DPP6: variants seen among roughly 807,000 people sequenced by gnomAD.
The protein encoded by DPP6 is dipeptidyl peptidase like 6.
Under a neutral mutation model 122.6 loss-of-function variants are expected in DPP6, and 69 were observed. That is an observed-to-expected ratio of 0.56 (90% CI 0.46 to 0.69). The LOEUF (loss-of-function observed/expected upper bound fraction) is 0.69. Ranked by LOEUF, DPP6 falls within the 30% of genes least tolerant of loss-of-function variation. DPP6 has a pLI of 0.00. For synonymous variants in DPP6, 418 were observed against 433.1 expected (o/e 0.97, Z 0.43); for missense variants, 928 against 1,116.9 (o/e 0.83, Z 2.41).
chr7:154,423,289 A>C (rs1212015726), intron 1 of DPP6, among the ~76,000 whole-genome samples: 1 of 151,596 alleles, frequency 6.6e-6, no homozygotes, highest in Non-Finnish European at 1.5e-5. Flanking sequence ...GAGGTGAAAA[A>C]CTCCGAGGGT....
chr7:154,427,993 G>A (rs946463026), intron 1 of DPP6, among the ~76,000 whole-genome samples: 10 of 152,222 alleles, frequency 6.6e-5, no homozygotes, highest in East Asian at 3.9e-4. Context: ...CTAAATTATC[G>A]TCATTTTGAG....
At chr7:154,761,690 C>T (rs1795566906) in intron 8 of DPP6, among the ~76,000 whole-genome samples, 1 of 145,072 alleles carries the variant, frequency 6.9e-6, no homozygotes, top group Admixed American at 7.0e-5. Context: ...AGGGAGGCAC[C>T]ACACTTTTTT....
chr7:154,066,043 GTT>G (rs1272775473), intron 1 of DPP6, among the ~76,000 whole-genome samples: 3 of 119,620 alleles, frequency 2.5e-5, no homozygotes, highest in East Asian at 2.6e-4. Flanking sequence ...GTTCAGATTT[GTT>G]TTTTTTTTTT....
chr7:154,150,271 G>T (rs552013933), intron 1 of DPP6, among the ~76,000 whole-genome samples: 4 of 152,136 alleles, frequency 2.6e-5, no homozygotes, highest in Non-Finnish European at 4.4e-5. Flanking sequence ...ATTTGGCAAG[G>T]CCCCCCACTT....
rs761176614 is a variant in DPP6, at chr7:154,540,636, CT to C, written c.552+11del. ...AGAAGGCAAAAAAATTGTAAGTACT[CT>C]CTTTAATGACCGGGATAATTTCAGT... is the stretch of plus-strand genomic sequence containing the variant. On this transcript the variant is annotated intron_variant, in intron 4 of 25. Coordinates refer to ENST00000377770, the MANE Select transcript of DPP6 (RefSeq NM_130797.4). 2.7e-6 allele frequency: 4 copies of C among 1,463,080 alleles called. No homozygotes were observed. In the African/African-American group the frequency reaches 5.7e-5, roughly 21 times the overall value. The allele number at this position is 1,463,080 out of a possible 1,614,324, so 90.6% of individuals were successfully genotyped here.
At chr7:154,703,075 C>T (rs143204810) in intron 7 of DPP6, among the ~76,000 whole-genome samples, 49 of 152,274 alleles carry the variant, frequency 3.2e-4, no homozygotes, top group African/African-American at 1.1e-3. Flanking sequence ...AATAACAAGG[C>T]CTGGATTATA....
intron 1 of DPP6, among the ~76,000 whole-genome samples, chr7:153,949,407 T>G (rs57594338): frequency 0.34 from 52,125 of 152,018 alleles, 9,507 homozygotes; most frequent in East Asian, 0.59. Flanking sequence ...GCTTTTCTTA[T>G]GACTCAATCA....
chr7:154,267,290 A>G (rs1249581407), intron 1 of DPP6, among the ~76,000 whole-genome samples: 1 of 149,026 alleles, frequency 6.7e-6, no homozygotes, highest in East Asian at 1.9e-4. Flanking sequence ...TTATTATTGT[A>G]AATATACAAT....
At chr7:154,878,398 G>A (rs1281507416) in intron 20 of DPP6, among the ~76,000 whole-genome samples, 14 of 152,254 alleles carry the variant, frequency 9.2e-5, no homozygotes, top group Non-Finnish European at 5.9e-5. Flanking sequence ...AAGAATGGGA[G>A]CGTGTGGACA....
At chr7:154,645,551 A>C (rs1192206056) in intron 6 of DPP6, among the ~76,000 whole-genome samples, 1 of 152,082 alleles carries the variant, frequency 6.6e-6, no homozygotes, top group East Asian at 1.9e-4. Context: ...AGTCAAGGAG[A>C]TCTGGGCGTA....
chr7:154,447,103 C>T (rs1295285530), intron 2 of DPP6, among the ~76,000 whole-genome samples: 3 of 151,962 alleles, frequency 2.0e-5, no homozygotes, highest in Admixed American at 6.6e-5. Flanking sequence ...ATCAGGAGTT[C>T]GAGACCATCC....
At chr7:154,548,213 TAAAATA>T (rs1434807828) in intron 4 of DPP6, among the ~76,000 whole-genome samples, 2 of 149,484 alleles carry the variant, frequency 1.3e-5, no homozygotes, top group African/African-American at 4.9e-5. Flanking sequence ...CATCTCAAAG[TAAAATA>T]AAAATAATAA....
chr7:154,690,932 G>T (rs778402451), intron 7 of DPP6, among the ~76,000 whole-genome samples: 17 of 152,192 alleles, frequency 1.1e-4, no homozygotes, highest in Non-Finnish European at 2.4e-4. Flanking sequence ...TGATGCCACT[G>T]TCTTACCTTA....
At chr7:153,891,160 T>G (rs1021853494) in intron 1 of DPP6, among the ~76,000 whole-genome samples, 1 of 151,380 alleles carries the variant, frequency 6.6e-6, no homozygotes, top group Non-Finnish European at 1.5e-5. Context: ...TAGCTAGGAC[T>G]ACAGGCGCCC....
At chr7:154,794,349 T>A in intron 11 of DPP6, 147 bp downstream of exon 11, 1 of 1,342,102 alleles carries the variant, frequency 7.5e-7, no homozygotes, top group South Asian at 1.7e-5. Context: ...CGGCGCAGAG[T>A]CCCGGCTCCG....
intron 1 of DPP6, among the ~76,000 whole-genome samples, chr7:154,313,355 C>T (rs900087605): frequency 6.6e-6 from 1 of 151,956 alleles, no homozygotes; most frequent in African/African-American, 2.4e-5. Flanking sequence ...TTTGGGAAAA[C>T]AGAAACAGGA....
chr7:154,031,328 C>G (rs1422782931), intron 1 of DPP6, among the ~76,000 whole-genome samples: 1 of 149,028 alleles, frequency 6.7e-6, no homozygotes, highest in East Asian at 1.9e-4. Context: ...TCTGTCATCT[C>G]AGACTCTAAA....
chr7:153,967,593 G>A (rs1453075106), intron 1 of DPP6, among the ~76,000 whole-genome samples: 1 of 152,134 alleles, frequency 6.6e-6, no homozygotes, highest in Non-Finnish European at 1.5e-5. Context: ...GTCGAACACA[G>A]GGCTGTTCAG....
At chr7:154,764,880 C>T (rs190115692) in intron 8 of DPP6, among the ~76,000 whole-genome samples, 11 of 152,242 alleles carry the variant, frequency 7.2e-5, no homozygotes. Context: ...TGTAAAGGGG[C>T]ACTTAATATA....
Sources: allele counts gnomAD v4.1 joint callset (sites outside exome capture counted in the v4.1 genomes callset), GRCh38; gene constraint gnomAD v4.1.1; transcripts MANE v1.5; gene names NCBI Gene and HGNC (gene_info 2026-07-23, HGNC 2026-07-21).